Variants in HTD2 observed in about 807,000 individuals in gnomAD.
HTD2 encodes the protein hydroxyacyl-thioester dehydratase type 2.
Under a neutral mutation model 3.1 loss-of-function variants are expected in HTD2, and 1 was observed. That is an observed-to-expected ratio of 0.32 (90% CI 0.11 to 1.52). HTD2 has a LOEUF of 1.52. HTD2 is among the 40% of genes most tolerant of loss of function. HTD2 has a pLI of 0.39. For synonymous variants in HTD2, 50 were observed against 28.9 expected (o/e 1.73, Z -2.34); for missense variants, 150 against 79.6 (o/e 1.88, Z -3.36).
chr3:58,317,415 C>T lies in HTD2; in HGVS notation c.-174-25C>T, dbSNP rs374211134. ...GCTTCAGTGTGGTTTCTCCCAATGCCTTAACCTTTTTCTTTCTCTTCTAGG... is the reference window on the plus strand; with the variant it reads ...GCTTCAGTGTGGTTTCTCCCAATGCTTTAACCTTTTTCTTTCTCTTCTAGG... On this transcript the variant is annotated intron_variant, in intron 4 of 4. Coordinates refer to ENST00000461393, the MANE Select transcript of HTD2 (RefSeq NM_001348712.2). 5.4e-4 allele frequency: 828 copies of T among 1,547,018 alleles called. 10 individuals are homozygous for T. In the South Asian group the frequency reaches 8.8e-3, roughly 17 times the overall value.
At chr3:58,312,334 A>ACCGCC (rs1488023508) in intron 2 of HTD2, among the ~76,000 whole-genome samples, 7 of 69,704 alleles carry the variant, frequency 1.0e-4, no homozygotes, top group African/African-American at 1.6e-4. Flanking sequence ...CAACCTCCGC[A>ACCGCC]CCCCCCCCCG....
chr3:58,310,476 A>T (rs750289223), intron 1 of HTD2, 31 bp from the exon 2 acceptor site: 46 of 1,587,926 alleles, frequency 2.9e-5, no homozygotes, highest in Admixed American at 5.3e-5. Flanking sequence ...ATGAAATTTA[A>T]TATGACTTTT....
At chr3:58,307,950 C>A (rs1167640136) in intron 1 of HTD2, 2 of 151,772 alleles carry the variant, frequency 1.3e-5, no homozygotes, top group African/African-American at 2.4e-5. Flanking sequence ...GCTGTGCAGC[C>A]ATCACCACTG....
rs114601626 is a variant in HTD2, at chr3:58,316,558, A to G, written c.-287A>G. 2.6e-4 allele frequency: 419 copies of G among 1,614,142 alleles called. 3 individuals carry two copies. In the African/African-American group the frequency reaches 4.4e-3, roughly 17 times the overall value. The stretch of plus-strand genomic sequence containing the variant: ...TTGGACATCCTAACCTATGAAGAGA[A>G]GACCTTGTCAGCCATCTTGAGAATA... On this transcript the variant is annotated 5_prime_UTR_variant, in exon 3 of 5. Coordinates refer to ENST00000461393, the MANE Select transcript of HTD2 (RefSeq NM_001348712.2).
In HTD2 at chr3:58,308,372, C is replaced by T. The variant is rs141994644; in HGVS notation, c.-416+1721C>T. 2.6e-4 allele frequency among the ~76,000 whole-genome samples: 39 copies of T among 152,268 alleles called. No homozygotes were observed. In the East Asian group the frequency reaches 6.0e-3, roughly 23 times the overall value. On this transcript the variant is annotated intron_variant, in intron 1 of 4. Transcript: ENST00000461393. Reference sequence around the variant, plus strand: ...AATCACAGTGCACTGTATCCTTAACCTCCCAGACTCAAGCTATCCTCCCAC... The same window carrying T: ...AATCACAGTGCACTGTATCCTTAACTTCCCAGACTCAAGCTATCCTCCCAC...
chr3:58,315,925 C>T (rs2097487807), intron 2 of HTD2: 1 of 152,328 alleles, frequency 6.6e-6, no homozygotes, highest in African/African-American at 2.4e-5. Flanking sequence ...ATCCGCCCTC[C>T]TTGGCCTCCC....
At position 58,318,086 on chromosome 3, in the gene HTD2, T is replaced by G; in HGVS notation, c.473T>G (p.Val158Gly). The change falls in exon 5 of 5, where the codon GTT (valine) becomes GGT (glycine). Residue 158 changes from valine (V) to glycine (G), a missense_variant. Transcript: ENST00000461393. ...ESKKTVMEGW[V>G]KVMVPEASKS ...AAAAAGACTGTTATGGAAGGCTGGG[T>G]TAAAGTTATGGTTCCAGAAGCTTCC... 1.5e-6 allele frequency: 1 copy of G among 672,164 alleles called. No homozygotes were observed. The highest frequency in any genetic ancestry group is 2.7e-6 in the Non-Finnish European group (1 of 373,842). 41.6% of individuals were successfully genotyped at this position (672,164 alleles called of 1,614,324 possible). A position where few individuals can be genotyped will look rare whatever the true frequency, so the allele number is the denominator to read the frequency against.
chr3:58,317,461 T>C lies in HTD2; in HGVS notation c.-153T>C. The C allele has an allele frequency of 1.9e-6, 3 of 1,601,922 alleles. No individual in the cohort carries two copies. Among genetic ancestry groups the C allele is most frequent in the Non-Finnish European group, 2.6e-6 (3 of 1,169,950 alleles). The stretch of plus-strand genomic sequence containing the variant: ...CTAGGTTTCTCCATTTCTTCTTGCA[T>C]TATCTGGTAATAGTAGGGAACTAGT... On this transcript the variant is annotated 5_prime_UTR_variant, in exon 5 of 5. Coordinates refer to ENST00000461393, the MANE Select transcript of HTD2 (RefSeq NM_001348712.2).
At chr3:58,307,633 C>G (rs2097476947) in intron 1 of HTD2, 1 of 152,100 alleles carries the variant, frequency 6.6e-6, no homozygotes, top group Non-Finnish European at 1.5e-5. Flanking sequence ...GACTGAGGAG[C>G]GAGAATTGCT....
intron 1 of HTD2, among the ~76,000 whole-genome samples, 167 bp downstream of exon 1, chr3:58,306,818 GAT>G (rs1193721271): frequency 1.3e-4 from 20 of 152,150 alleles, no homozygotes; most frequent in Admixed American, 9.2e-4. Context: ...CAGTGAACAA[GAT>G]AGCAAGATTC....
At chr3:58,310,299 C>A in intron 1 of HTD2, 2 of 1,599,704 alleles carry the variant, frequency 1.3e-6, no homozygotes, top group African/African-American at 1.3e-5. Flanking sequence ...GCCCTCTTGA[C>A]TTACTGTAGG....
Position 58,316,404 on chromosome 3 carries a change from A to G in HTD2, c.-330-111A>G, listed in dbSNP as rs796398672. 5.7e-5 allele frequency: 55 copies of G among 963,808 alleles called. 1 individual carries two copies. In the South Asian group the frequency reaches 7.4e-4, roughly 13 times the overall value. The allele number at this position is 963,808 out of a possible 1,614,324, so 59.7% of individuals were successfully genotyped here. ...TAAAGTGCCAGCACCATTAAATAAAATACTGCTTATGTGGAGGAGAAAAGC... is the reference window on the plus strand; with the variant it reads ...TAAAGTGCCAGCACCATTAAATAAAGTACTGCTTATGTGGAGGAGAAAAGC... On this transcript the variant is annotated intron_variant, in intron 2 of 4. Coordinates refer to ENST00000461393, the MANE Select transcript of HTD2 (RefSeq NM_001348712.2).
At chr3:58,314,675 ATTTTTTTTTTTTT>A (rs751757663) in intron 2 of HTD2, among the ~76,000 whole-genome samples, 1 of 90,560 alleles carries the variant, frequency 1.1e-5, no homozygotes, top group Non-Finnish European at 1.9e-5. Context: ...GTTTGGCAGT[ATTTTTTTTTTTTT>A]TTTTTTTTTT....
chr3:58,310,221 A>G lies in HTD2; in HGVS notation c.-415-286A>G, dbSNP rs571833904. The G allele has an allele frequency of 4.7e-6, 5 of 1,053,090 alleles. No individual in the cohort carries two copies. In the African/African-American group the frequency reaches 6.4e-5, roughly 13 times the overall value. The allele number at this position is 1,053,090 out of a possible 1,614,324, so 65.2% of individuals were successfully genotyped here. ...GACCCTGCCTTAAAACAAACAAACA[A>G]AAAAAACCCAAATAGGCCAAATTCT... On this transcript the variant is annotated intron_variant, in intron 1 of 4. Transcript: ENST00000461393.
intron 1 of HTD2, chr3:58,310,084 C>G (rs1310498072): frequency 1.2e-5 from 6 of 499,100 alleles, no homozygotes; most frequent in African/African-American, 1.2e-4. Flanking sequence ...CCTATACTCC[C>G]AGCTACTCAG....
At chr3:58,310,480 GACT>G in intron 1 of HTD2, 24 bp from the exon 2 acceptor site, 3 of 1,515,610 alleles carry the variant, frequency 2.0e-6, no homozygotes, top group Middle Eastern at 1.7e-4. Flanking sequence ...AATTTAATAT[GACT>G]TTTTTTTTTT....
intron 2 of HTD2, 59 bp from the exon 3 acceptor site, chr3:58,316,456 G>T: frequency 6.8e-7 from 1 of 1,468,392 alleles, no homozygotes. Context: ...GTCAAAAGTT[G>T]ACAAGCATTC....
intron 2 of HTD2, among the ~76,000 whole-genome samples, chr3:58,312,215 C>T (rs1486616679): frequency 6.6e-6 from 1 of 152,132 alleles, no homozygotes; most frequent in African/African-American, 2.4e-5. Context: ...ATTTACATTC[C>T]TCCCAGTAGT....
intron 1 of HTD2, among the ~76,000 whole-genome samples, chr3:58,309,307 C>T (rs943009392): frequency 4.6e-4 from 70 of 152,122 alleles, no homozygotes; most frequent in Non-Finnish European, 1.8e-4. Context: ...TCTGGGCACC[C>T]TTGGGCAGAT....
Sources: gnomAD v4.1 joint callset for allele counts (sites outside exome capture counted in the v4.1 genomes callset) on GRCh38, gnomAD v4.1.1 for gene constraint, MANE v1.5 for transcripts, NCBI Gene and HGNC (gene_info 2026-07-23, HGNC 2026-07-21) for gene names.